The following CENPP variants were observed in gnomAD, a reference collection of about 807,000 sequenced individuals.
CENPP encodes the protein centromere protein P.
CENPP carries 24 observed loss-of-function variants against 35.6 expected under a neutral mutation model. The observed-to-expected ratio is 0.67, with a 90% CI of 0.49 to 0.95. The LOEUF is 0.95. Ranked by LOEUF, CENPP falls within the 40% of genes least tolerant of loss-of-function variation. CENPP has a pLI of 0.00. For missense variants in CENPP, 332 were observed against 345.3 expected (o/e 0.96, Z 0.31); for synonymous variants, 120 against 125.5 (o/e 0.96, Z 0.29).
At chr9:92,351,199 CAG>C (rs1386109219) in intron 4 of CENPP, among the ~76,000 whole-genome samples, 2 of 152,118 alleles carry the variant, frequency 1.3e-5, no homozygotes, top group African/African-American at 4.8e-5. Context: ...TCTTTTAAAA[CAG>C]AAACTTTGGC....
Position 92,619,547 on chromosome 9 carries a change from C to T in CENPP, c.*6398C>T, listed in dbSNP as rs745973840. 2.5e-6 allele frequency: 4 copies of T among 1,587,456 alleles called. No individual in the cohort carries two copies. The highest frequency in any genetic ancestry group is 2.3e-5 in the South Asian group (2 of 86,508). On this transcript the variant is annotated 3_prime_UTR_variant, in exon 8 of 8. Transcript: ENST00000375587. ...ATGGAGCAGTCCTTGGCAGTCATGGCGACGCGGTACTGCTGCACCTGCAGG... is the reference window on the plus strand; with the variant it reads ...ATGGAGCAGTCCTTGGCAGTCATGGTGACGCGGTACTGCTGCACCTGCAGG...
At chr9:92,371,387 A>G (rs1331235849) in intron 4 of CENPP, among the ~76,000 whole-genome samples, 1 of 152,126 alleles carries the variant, frequency 6.6e-6, no homozygotes, top group East Asian at 1.9e-4. Context: ...ATTCAGGAAC[A>G]TGTTGTTTAA....
At chr9:92,602,336 C>T (rs764572212) in intron 5 of CENPP, among the ~76,000 whole-genome samples, 2 of 152,238 alleles carry the variant, frequency 1.3e-5, no homozygotes, top group African/African-American at 2.4e-5. Context: ...TTGGGACCCT[C>T]ACTGTCGTTG....
chr9:92,362,424 C>T (rs1841779289), intron 4 of CENPP, among the ~76,000 whole-genome samples: 1 of 152,098 alleles, frequency 6.6e-6, no homozygotes, highest in Non-Finnish European at 1.5e-5. Context: ...TTTTTTCCCC[C>T]AATAGAATGT....
intron 5 of CENPP, among the ~76,000 whole-genome samples, chr9:92,441,008 T>A (rs1588131412): frequency 6.6e-6 from 1 of 152,206 alleles, no homozygotes; most frequent in South Asian, 2.1e-4. Context: ...TATTTCTGGT[T>A]ATAGAATCAT....
chr9:92,512,302 G>A (rs546631933), intron 5 of CENPP, among the ~76,000 whole-genome samples: 4 of 152,260 alleles, frequency 2.6e-5, no homozygotes, highest in African/African-American at 9.6e-5. Context: ...AAAGTAACAA[G>A]CTGGAAATAG....
chr9:92,420,376 C>T (rs1315627764), intron 5 of CENPP, among the ~76,000 whole-genome samples: 1 of 152,174 alleles, frequency 6.6e-6, no homozygotes, highest in Non-Finnish European at 1.5e-5. Flanking sequence ...CTTTCTGGCT[C>T]CTTCAATCTG....
chr9:92,404,456 A>G (rs1843242310), intron 5 of CENPP: 1 of 1,220,908 alleles, frequency 8.2e-7, no homozygotes, highest in Admixed American at 3.3e-5. Context: ...TCGCACTTTA[A>G]CAAACAATAT....
At chr9:92,354,063 C>T (rs1230797751) in intron 4 of CENPP, among the ~76,000 whole-genome samples, 2 of 152,218 alleles carry the variant, frequency 1.3e-5, no homozygotes, top group African/African-American at 2.4e-5. Flanking sequence ...CCCACTGCTG[C>T]ACTTCTTTAG....
At chr9:92,494,661 C>T (rs1409656707) in intron 5 of CENPP, among the ~76,000 whole-genome samples, 3 of 152,110 alleles carry the variant, frequency 2.0e-5, no homozygotes, top group African/African-American at 7.2e-5. Context: ...ATAATCCCAG[C>T]ACTTTGGGAG....
At chr9:92,454,076 G>A (rs1339118485) in intron 5 of CENPP, among the ~76,000 whole-genome samples, 1 of 152,180 alleles carries the variant, frequency 6.6e-6, no homozygotes, top group African/African-American at 2.4e-5. Context: ...TAAGTCACTT[G>A]TTTTCAATCT....
intron 5 of CENPP, among the ~76,000 whole-genome samples, chr9:92,411,728 C>A (rs1373703199): frequency 1.3e-5 from 2 of 152,194 alleles, no homozygotes; most frequent in East Asian, 3.8e-4. Flanking sequence ...GAAGGGTTTT[C>A]AATCTCTTAA....
intron 5 of CENPP, chr9:92,385,594 T>G: frequency 6.2e-7 from 1 of 1,602,036 alleles, no homozygotes; most frequent in Non-Finnish European, 8.5e-7. Flanking sequence ...AGGTGTACTT[T>G]CATTTATATG....
intron 5 of CENPP, among the ~76,000 whole-genome samples, chr9:92,504,645 C>T (rs1846886928): frequency 6.6e-6 from 1 of 152,124 alleles, no homozygotes; most frequent in African/African-American, 2.4e-5. Context: ...AAGTGATCCT[C>T]CACCTCAGCC....
chr9:92,457,670 T>C (rs1844929386), intron 5 of CENPP, among the ~76,000 whole-genome samples: 1 of 152,158 alleles, frequency 6.6e-6, no homozygotes, highest in Non-Finnish European at 1.5e-5. Context: ...AAACTCAAGC[T>C]CATGTGTTGT....
intron 5 of CENPP, among the ~76,000 whole-genome samples, chr9:92,391,435 A>G (rs989153634): frequency 1.7e-4 from 26 of 151,410 alleles, no homozygotes; most frequent in African/African-American, 5.3e-4. Context: ...ATTAAATTAA[A>G]TTACAATAAA....
At chr9:92,342,089 C>T (rs138469311) in intron 3 of CENPP, among the ~76,000 whole-genome samples, 27 of 152,364 alleles carry the variant, frequency 1.8e-4, no homozygotes, top group Admixed American at 5.9e-4. Flanking sequence ...GGCTTCAAGT[C>T]ATGGCACAAT....
chr9:92,465,813 C>T (rs960796136), intron 5 of CENPP, among the ~76,000 whole-genome samples: 4 of 151,202 alleles, frequency 2.6e-5, no homozygotes, highest in Non-Finnish European at 4.4e-5. Context: ...ACAGAAACCA[C>T]GCTAAGTGTT....
At chr9:92,417,675 T>C in intron 5 of CENPP, 1 of 678,826 alleles carries the variant, frequency 1.5e-6, no homozygotes, top group Non-Finnish European at 2.3e-6. Flanking sequence ...TACCTATGTC[T>C]ATATATAAAA....
Sources: gnomAD v4.1 joint callset for allele counts (sites outside exome capture counted in the v4.1 genomes callset) on GRCh38, gnomAD v4.1.1 for gene constraint, MANE v1.5 for transcripts, NCBI Gene and HGNC (gene_info 2026-07-23, HGNC 2026-07-21) for gene names.